The following USH2A variants were observed in gnomAD, a reference collection of about 807,000 sequenced individuals.
The protein encoded by USH2A is Usher syndrome 2A (autosomal recessive, mild).
A neutral mutation model predicts 538.9 loss-of-function variants in USH2A; 443 were observed. The observed-to-expected ratio is 0.82, with a 90% CI of 0.76 to 0.89. The LOEUF (loss-of-function observed/expected upper bound fraction) is 0.89. USH2A is among the 40% of genes least tolerant of loss of function. The probability of loss-of-function intolerance (pLI) is 0.00; values close to 1 mark genes in which losing one functional copy is unlikely to be tolerated. For synonymous variants in USH2A, 2,413 were observed against 2,273.5 expected (o/e 1.06, Z -1.75); for missense variants, 6,633 against 6,324.8 (o/e 1.05, Z -1.65).
At chr1:216,177,854 G>A (rs2034420478) in intron 20 of USH2A, among the ~76,000 whole-genome samples, 1 of 152,028 alleles carries the variant, frequency 6.6e-6, no homozygotes, top group South Asian at 2.1e-4. Context: ...TATGTCTGCT[G>A]GATTTGAGAG....
intron 4 of USH2A, among the ~76,000 whole-genome samples, chr1:216,348,363 T>C (rs1272489127): frequency 6.6e-6 from 1 of 152,118 alleles, no homozygotes; most frequent in East Asian, 1.9e-4. Flanking sequence ...ACTGGTCACA[T>C]TCTTTGTTTA....
chr1:215,836,488 T>TATTATA (rs1553267731), intron 47 of USH2A, among the ~76,000 whole-genome samples: 3 of 20,810 alleles, frequency 1.4e-4, no homozygotes, highest in Non-Finnish European at 2.7e-4. Flanking sequence ...ATAATATATA[T>TATTATA]TATATATATA....
Position 216,415,596 on chromosome 1 carries a change from G to A in USH2A, c.651+2918C>T, listed in dbSNP as rs929015025. Reference sequence around the variant, plus strand: ...AGTGGCATGATCATGGGTCACTGAAGCCTTGACTTCCAGGCTTAGGTGATC... The same window carrying A: ...AGTGGCATGATCATGGGTCACTGAAACCTTGACTTCCAGGCTTAGGTGATC... On this transcript the variant is annotated intron_variant, in intron 3 of 71. Transcript: ENST00000307340. Among the ~76,000 whole-genome samples, 5 of 146,986 alleles carry A rather than the reference G, an allele frequency of 3.4e-5. 1 individual carries two copies. The South Asian group carries it at 6.5e-4, about 19-fold the overall frequency.
At chr1:216,066,237 A>G (rs11120731) in intron 30 of USH2A, among the ~76,000 whole-genome samples, 23,208 of 151,916 alleles carry the variant, frequency 0.15, 2,122 homozygotes, top group African/African-American at 0.26. Context: ...TTGGGAGGCC[A>G]AGGTGGGTGA....
intron 21 of USH2A, among the ~76,000 whole-genome samples, chr1:216,102,747 T>C (rs1005319761): frequency 6.6e-6 from 1 of 152,000 alleles, no homozygotes; most frequent in Non-Finnish European, 1.5e-5. Flanking sequence ...TTGCAGTGAG[T>C]GGAGATCGCG....
intron 3 of USH2A, among the ~76,000 whole-genome samples, chr1:216,406,423 G>C (rs779063849): frequency 3.3e-5 from 5 of 152,092 alleles, no homozygotes; most frequent in Non-Finnish European, 7.4e-5. Flanking sequence ...ACTTTCATGG[G>C]CATATATTTA....
At chr1:216,414,689 G>C (rs2039547876) in intron 3 of USH2A, among the ~76,000 whole-genome samples, 1 of 151,940 alleles carries the variant, frequency 6.6e-6, no homozygotes. Context: ...TGGTTTCTGG[G>C]CCATTCCACG....
chr1:215,862,116 G>C (rs897731881), intron 44 of USH2A, among the ~76,000 whole-genome samples: 1 of 152,070 alleles, frequency 6.6e-6, no homozygotes, highest in Admixed American at 6.6e-5. Context: ...GGGATTACAG[G>C]CATGAGCCAT....
chr1:216,110,894 C>T (rs2032851098), intron 21 of USH2A, among the ~76,000 whole-genome samples: 1 of 152,152 alleles, frequency 6.6e-6, no homozygotes, highest in African/African-American at 2.4e-5. Flanking sequence ...GAAACTACTA[C>T]CACCACCAGA....
chr1:215,636,537 AAG>A (rs754603711), intron 69 of USH2A, among the ~76,000 whole-genome samples: 7 of 152,208 alleles, frequency 4.6e-5, no homozygotes, highest in Non-Finnish European at 1.0e-4. Flanking sequence ...TGCACACTAA[AAG>A]AGTTGTTTCC....
At chr1:215,895,540 C>T (rs889021713) in intron 40 of USH2A, among the ~76,000 whole-genome samples, 4 of 152,138 alleles carry the variant, frequency 2.6e-5, no homozygotes, top group Non-Finnish European at 5.9e-5. Flanking sequence ...GCCTTTCTGT[C>T]TTACTCCAGA....
rs1372957746 is a variant in USH2A at position 215,775,441 on chromosome 1, T to G, written c.10939+4402A>C. On this transcript the variant is annotated intron_variant, in intron 55 of 71. Transcript: ENST00000307340. ...CAAATACTAGTTTACTATTCAGTAT[T>G]TATTCATTCGACAAACATTTTTTGA... 2.0e-5 allele frequency among the ~76,000 whole-genome samples: 3 copies of G among 152,208 alleles called. No individual in the cohort carries two copies. The East Asian group carries it at 5.8e-4, about 29-fold the overall frequency.
At chr1:215,984,854 T>TG (rs1277365088) in intron 35 of USH2A, among the ~76,000 whole-genome samples, 22 of 152,324 alleles carry the variant, frequency 1.4e-4, no homozygotes, top group Non-Finnish European at 2.8e-4. Context: ...AAGGTCCAGA[T>TG]GCTGATTGAA....
At chr1:215,933,900 C>CA (rs1293218879) in intron 38 of USH2A, among the ~76,000 whole-genome samples, 1 of 151,964 alleles carries the variant, frequency 6.6e-6, no homozygotes, top group Non-Finnish European at 1.5e-5. Flanking sequence ...AAGGGCCATC[C>CA]ATGTCAACCC....
chr1:216,084,735 G>A lies in USH2A; in HGVS notation c.5130C>T (p.Pro1710=), dbSNP rs747065891. The change falls in exon 25 of 72, where the codon CCC becomes CCT. Residue 1710 remains proline (P), a synonymous_variant. Transcript: ENST00000307340. ...ACTGAGCTCCCTCATTTAATGAAGC[G>A]GGACATCCCTCCCAGCTGTTATACA... ...INVYNSWEGC[P]ASLNEGAQFL... is the part of the protein sequence containing the mutation. The A allele has an allele frequency of 3.5e-5, 56 of 1,613,172 alleles. No individual in the cohort carries two copies. Among genetic ancestry groups the A allele is most frequent in the Non-Finnish European group, 4.2e-5 (49 of 1,179,602 alleles).
At chr1:215,995,287 T>C (rs932206076) in intron 34 of USH2A, among the ~76,000 whole-genome samples, 2 of 152,184 alleles carry the variant, frequency 1.3e-5, no homozygotes, top group African/African-American at 4.8e-5. Context: ...ACCAGTAACT[T>C]GACAAAGAAA....
At chr1:215,912,606 A>T (rs115446603) in intron 38 of USH2A, among the ~76,000 whole-genome samples, 1,762 of 151,362 alleles carry the variant, frequency 0.012, 28 homozygotes, top group East Asian at 0.061. Flanking sequence ...TGGGGTATCC[A>T]TCCCCGCAAG....
At chr1:216,168,380 A>T (rs1363169972) in intron 21 of USH2A, among the ~76,000 whole-genome samples, 1 of 152,190 alleles carries the variant, frequency 6.6e-6, no homozygotes, top group Non-Finnish European at 1.5e-5. Context: ...CTATATAGAA[A>T]TGAAAATGAC....
In USH2A at chr1:216,044,081, A is replaced by G. The variant is rs564918348; in HGVS notation, c.6325+2350T>C. On this transcript the variant is annotated intron_variant, in intron 32 of 71. Transcript: ENST00000307340. Reference sequence around the variant, plus strand: ...TAGGTCCAAGAGATGCAGTAATGAAAAAAACAAATATAGTTGTGTCCTTAA... The same window carrying G: ...TAGGTCCAAGAGATGCAGTAATGAAGAAAACAAATATAGTTGTGTCCTTAA... Among the ~76,000 whole-genome samples, 6 of 152,258 alleles carry G rather than the reference A, an allele frequency of 3.9e-5. No individual in the cohort carries two copies. In the East Asian group the frequency reaches 9.6e-4, roughly 24 times the overall value.
Sources: gnomAD v4.1 joint callset for allele counts (sites outside exome capture counted in the v4.1 genomes callset) on GRCh38, gnomAD v4.1.1 for gene constraint, MANE v1.5 for transcripts, NCBI Gene and HGNC (gene_info 2026-07-23, HGNC 2026-07-21) for gene names.